Variants in ARHGDIB observed in about 807,000 individuals in gnomAD.
ARHGDIB encodes the protein Rho GDP dissociation inhibitor beta.
Under a neutral mutation model 22.6 loss-of-function variants are expected in ARHGDIB, and 20 were observed. The ratio of observed to expected loss-of-function variants is 0.88; its 90% CI spans 0.62 to 1.28. The LOEUF is 1.28. Among genes scored for constraint, ARHGDIB ranks in the 50% most tolerant of loss-of-function variants. ARHGDIB has a pLI of 0.00. For missense variants in ARHGDIB, 254 were observed against 245.4 expected, an observed-to-expected ratio of 1.04 and a Z score of -0.23; for synonymous variants, 114 against 96.1, an observed-to-expected ratio of 1.19 and a Z score of -1.09.
At chr12:14,946,413 A>C (rs1036670792) in intron 4 of ARHGDIB, among the ~76,000 whole-genome samples, 2 of 152,198 alleles carry the variant, frequency 1.3e-5, no homozygotes, top group Non-Finnish European at 2.9e-5. Context: ...ATAAATGCAA[A>C]CTTTCTTGGA....
chr12:14,954,376 T>C (rs1854404675), intron 1 of ARHGDIB, among the ~76,000 whole-genome samples: 1 of 152,182 alleles, frequency 6.6e-6, no homozygotes, highest in African/African-American at 2.4e-5. Context: ...GCAGAAGATA[T>C]CAGGTGACAC....
intron 1 of ARHGDIB, among the ~76,000 whole-genome samples, chr12:14,951,915 C>G (rs1864185152): frequency 6.6e-6 from 1 of 151,960 alleles, no homozygotes; most frequent in Non-Finnish European, 1.5e-5. Flanking sequence ...GTATACTAAC[C>G]AAGAGGAAGA....
intron 4 of ARHGDIB, 115 bp downstream of exon 4, chr12:14,947,758 G>A (rs1012068755): frequency 5.6e-6 from 5 of 885,664 alleles, no homozygotes; most frequent in Non-Finnish European, 9.0e-6. Flanking sequence ...CCCAGCTTGG[G>A]GGTACTAGGG....
Position 14,942,468 on chromosome 12 carries a change from C to T in ARHGDIB, c.*54G>A. 1 of 1,593,502 alleles carries T rather than the reference C, an allele frequency of 6.3e-7. No individual in the cohort carries two copies. Among genetic ancestry groups the T allele is most frequent in the Non-Finnish European group, 8.6e-7 (1 of 1,162,972 alleles). On this transcript the variant is annotated 3_prime_UTR_variant, in exon 6 of 6. Transcript: ENST00000228945. ...CAGGGAGGAGGGACAGGGTGCTGAA[C>T]ACGCCTGAGAGAATTCTTCCAGGTG...
intron 1 of ARHGDIB, 53 bp from the exon 2 acceptor site, chr12:14,950,777 G>A: frequency 2.0e-6 from 3 of 1,474,246 alleles, no homozygotes; most frequent in South Asian, 2.7e-5. Context: ...TATAAAAGAT[G>A]TTAGTGGGGC....
intron 1 of ARHGDIB, among the ~76,000 whole-genome samples, chr12:14,958,923 C>A (rs1864354832): frequency 1.3e-5 from 2 of 152,280 alleles, no homozygotes; most frequent in South Asian, 4.1e-4. Flanking sequence ...GCCAGTGTAG[C>A]CTTGAATACA....
In ARHGDIB at chr12:14,942,444, A is replaced by C. The variant is rs1421940763; in HGVS notation, c.*78T>G. 1 of 1,488,602 alleles carries C rather than the reference A, an allele frequency of 6.7e-7. No individual in the cohort carries two copies. Among genetic ancestry groups the C allele is most frequent in the African/African-American group, 1.4e-5 (1 of 72,486 alleles). 92.2% of individuals were successfully genotyped at this position (1,488,602 alleles called of 1,614,324 possible). On this transcript the variant is annotated 3_prime_UTR_variant, in exon 6 of 6. Transcript: ENST00000228945. ...GTTGAAGAGGGACCCAGCTGTGGAC[A>C]GGGAGGAGGGACAGGGTGCTGAACA...
intron 3 of ARHGDIB, 102 bp downstream of exon 3, chr12:14,949,700 C>G (rs1248824519): frequency 2.9e-6 from 3 of 1,019,986 alleles, no homozygotes; most frequent in South Asian, 2.6e-5. Context: ...ATATATATCT[C>G]TCTGATTCAC....
chr12:14,950,538 C>T lies in ARHGDIB; in HGVS notation c.175G>A (p.Val59Met). The change falls in exon 2 of 6, where the codon GTG becomes ATG. Residue 59 changes from valine to methionine, a missense_variant. Coordinates refer to ENST00000228945, the MANE Select transcript of ARHGDIB (RefSeq NM_001175.7). ...KKTLLGDGPVVTDPKAPNVVV... is the reference protein window; with the variant it reads ...KKTLLGDGPVMTDPKAPNVVV... ...GTTCTCTGTACACACATACCTGTCA[C>T]CACAGGACCATCTCCCAGCAGCGTT... 6.2e-7 allele frequency: 1 copy of T among 1,612,708 alleles called. No individual in the cohort carries two copies. The highest frequency in any genetic ancestry group is 8.5e-7 in the Non-Finnish European group (1 of 1,179,106).
rs559327144 is a variant in ARHGDIB at position 14,952,042 on chromosome 12, A to T, written c.-12-1318T>A. Among the ~76,000 whole-genome samples, 34 of 152,086 alleles carry T rather than the reference A, an allele frequency of 2.2e-4. No homozygotes were observed. In the South Asian group the frequency reaches 7.1e-3, roughly 32 times the overall value. On this transcript the variant is annotated intron_variant, in intron 1 of 5. Transcript: ENST00000228945. Reference sequence around the variant, plus strand: ...TTTCCTTAATTCTATCTTGAGGGTAACTCTTTTCCCTGCCTGTGGTTAAAG... The same window carrying T: ...TTTCCTTAATTCTATCTTGAGGGTATCTCTTTTCCCTGCCTGTGGTTAAAG...
chr12:14,951,658 T>C (rs917152136), intron 1 of ARHGDIB, among the ~76,000 whole-genome samples: 5 of 147,958 alleles, frequency 3.4e-5, no homozygotes, highest in African/African-American at 1.2e-4. Flanking sequence ...CCCTGGAGTC[T>C]TCCTTCATCT....
chr12:14,952,275 AC>A (rs1245368597), intron 1 of ARHGDIB, among the ~76,000 whole-genome samples: 3 of 73,106 alleles, frequency 4.1e-5, no homozygotes, highest in East Asian at 5.5e-4. Context: ...TTTTAATGGA[AC>A]CAAAAAAAAA....
chr12:14,954,445 G>A (rs948356302), intron 1 of ARHGDIB, among the ~76,000 whole-genome samples: 1 of 152,226 alleles, frequency 6.6e-6, no homozygotes, highest in African/African-American at 2.4e-5. Flanking sequence ...GCACATGGGT[G>A]CAGGAAGTAG....
At chr12:14,949,965 G>T in intron 2 of ARHGDIB, 80 bp from the exon 3 acceptor site, 2 of 1,235,452 alleles carry the variant, frequency 1.6e-6, no homozygotes, top group Non-Finnish European at 2.3e-6. Flanking sequence ...GGGAGACAGA[G>T]AGTATGAAAA....
intron 4 of ARHGDIB, chr12:14,947,569 T>A (rs1308879892): frequency 1.5e-5 from 4 of 264,038 alleles, no homozygotes; most frequent in Admixed American, 5.0e-5. Context: ...GAAGAAGAAA[T>A]GACACAGGTG....
At chr12:14,949,997 G>A (rs1864131184) in intron 2 of ARHGDIB, 112 bp from the exon 3 acceptor site, 3 of 978,766 alleles carry the variant, frequency 3.1e-6, no homozygotes, top group East Asian at 5.1e-5. Context: ...TTTCTATCTG[G>A]AGTAGAAATA....
chr12:14,955,147 C>G (rs1183025146), intron 1 of ARHGDIB, among the ~76,000 whole-genome samples: 4 of 152,108 alleles, frequency 2.6e-5, no homozygotes, highest in South Asian at 4.1e-4. Context: ...TTACTGAACA[C>G]TTGTGAGCCA....
chr12:14,947,749 C>A (rs2075265), intron 4 of ARHGDIB, 124 bp downstream of exon 4: 1 of 806,828 alleles, frequency 1.2e-6, no homozygotes, highest in Non-Finnish European at 2.0e-6. Flanking sequence ...CATTCCAGAC[C>A]CAGCTTGGGG....
rs1863880141 is a variant in ARHGDIB at position 14,942,272 on chromosome 12, T to C, written c.*250A>G. ...GACAGGGAAATATTAAATGATTGTG[T>C]ACTGAGATGGAGACGTGGAAGATCT... On this transcript the variant is annotated 3_prime_UTR_variant, in exon 6 of 6. Transcript: ENST00000228945. The C allele has an allele frequency of 1.9e-6, 1 of 524,540 alleles. No individual in the cohort carries two copies. Among genetic ancestry groups the C allele is most frequent in the African/African-American group, 1.9e-5 (1 of 52,606 alleles). The allele number at this position is 524,540 out of a possible 1,614,324, so 32.5% of individuals were successfully genotyped here.
Sources: gnomAD v4.1 joint callset for allele counts (sites outside exome capture counted in the v4.1 genomes callset) on GRCh38, gnomAD v4.1.1 for gene constraint, MANE v1.5 for transcripts, NCBI Gene and HGNC (gene_info 2026-07-23, HGNC 2026-07-21) for gene names.